The following CEP162 variants were observed in gnomAD, a reference collection of about 807,000 sequenced individuals.
The protein encoded by CEP162 is centrosomal protein of 162 kDa.
In CEP162, 141 loss-of-function variants were observed where a neutral mutation model predicts 169.2. The observed-to-expected ratio is 0.83, with a 90% confidence interval of 0.73 to 0.96. CEP162 has a LOEUF of 0.96. Among genes scored for constraint, CEP162 ranks in the 40% least tolerant of loss-of-function variants. CEP162 has a pLI of 0.00. For synonymous variants in CEP162, 540 were observed against 526.4 expected, an observed-to-expected ratio of 1.03 and a Z score of -0.35; for missense variants, 1,600 against 1,587.2, an observed-to-expected ratio of 1.01 and a Z score of -0.14.
chr6:84,142,497 A>G (rs2099517105), intron 25 of CEP162, among the ~76,000 whole-genome samples: 2 of 152,178 alleles, frequency 1.3e-5, no homozygotes, highest in Admixed American at 1.3e-4. Context: ...TAATTGGCTT[A>G]CAGAAAAAGA....
intron 25 of CEP162, among the ~76,000 whole-genome samples, chr6:84,136,100 T>C (rs1250192304): frequency 1.3e-5 from 2 of 152,168 alleles, no homozygotes; most frequent in Non-Finnish European, 2.9e-5. Flanking sequence ...GGCCTTGATA[T>C]TGTTCAGGTG....
At chr6:84,170,156 G>A (rs747416719) in intron 17 of CEP162, among the ~76,000 whole-genome samples, 35 of 151,810 alleles carry the variant, frequency 2.3e-4, no homozygotes, top group Non-Finnish European at 3.8e-4. Context: ...GGTGGATCAC[G>A]AGGTCAGGAG....
intron 3 of CEP162, among the ~76,000 whole-genome samples, chr6:84,219,684 T>G (rs1363698922): frequency 6.6e-6 from 1 of 152,200 alleles, no homozygotes; most frequent in African/African-American, 2.4e-5. Flanking sequence ...TTCTTTAAAT[T>G]ACAGTATTAA....
chr6:84,131,575 G>T (rs1008891480), intron 25 of CEP162, among the ~76,000 whole-genome samples: 15 of 152,160 alleles, frequency 9.9e-5, no homozygotes, highest in Non-Finnish European at 1.9e-4. Context: ...TCTTCTTGTT[G>T]AATTGATCCC....
Position 84,153,196 on chromosome 6 carries a change from A to G in CEP162, c.2995-17T>C. 1 of 1,579,550 alleles carries G rather than the reference A, an allele frequency of 6.3e-7. No individual in the cohort carries two copies. The highest frequency in any genetic ancestry group is 8.6e-7 in the Non-Finnish European group (1 of 1,167,192). The stretch of plus-strand genomic sequence containing the variant: ...ATACTGAATCTGAAGGAAAGAATCC[A>G]TGTAATGCCAAACACCTGTTAAACG... On this transcript the variant is annotated splice_polypyrimidine_tract_variant and intron_variant, in intron 22 of 26. Coordinates refer to ENST00000403245, the MANE Select transcript of CEP162 (RefSeq NM_014895.4).
At position 84,193,709 on chromosome 6, in the gene CEP162, A is replaced by T. The variant is rs767635886; in HGVS notation, c.1028-19T>A. 6.4e-5 allele frequency: 95 copies of T among 1,485,422 alleles called. No homozygotes were observed. The highest frequency in any genetic ancestry group is 8.3e-5 in the Non-Finnish European group (91 of 1,098,562). 92.0% of individuals were successfully genotyped at this position (1,485,422 alleles called of 1,614,324 possible). On this transcript the variant is annotated intron_variant, in intron 10 of 26. Transcript: ENST00000403245. ...GGCAGATCTAAGAGGTGGAAAAAAAAGTAGAAACGAAAAATGTTATGTAGG... is the reference window on the plus strand; with the variant it reads ...GGCAGATCTAAGAGGTGGAAAAAAATGTAGAAACGAAAAATGTTATGTAGG...
intron 18 of CEP162, among the ~76,000 whole-genome samples, chr6:84,165,766 C>A (rs374795869): frequency 9.2e-5 from 14 of 152,142 alleles, no homozygotes; most frequent in East Asian, 7.7e-4. Flanking sequence ...TACTGTCTTA[C>A]AATTTAAAAT....
At chr6:84,161,008 T>C (rs966953508) in intron 20 of CEP162, 92 bp from the exon 21 acceptor site, 1 of 857,522 alleles carries the variant, frequency 1.2e-6, no homozygotes, top group Non-Finnish European at 1.9e-6. Context: ...ACTCATACAT[T>C]TATTAATTCC....
At chr6:84,129,840 T>C (rs1269720540) in intron 25 of CEP162, among the ~76,000 whole-genome samples, 1 of 152,204 alleles carries the variant, frequency 6.6e-6, no homozygotes, top group African/African-American at 2.4e-5. Context: ...CCTATGTGAC[T>C]ACCCTTTATT....
chr6:84,213,617 T>C (rs55647082), intron 5 of CEP162, among the ~76,000 whole-genome samples: 2,872 of 152,258 alleles, frequency 0.019, 51 homozygotes, highest in Non-Finnish European at 0.029. Context: ...AGTGAGATCG[T>C]TAGAGAAACT....
intron 13 of CEP162, among the ~76,000 whole-genome samples, chr6:84,180,015 AC>A (rs2099534089): frequency 6.6e-6 from 1 of 152,212 alleles, no homozygotes; most frequent in Non-Finnish European, 1.5e-5. Context: ...TCATCCTGAT[AC>A]TAAAGCCTGG....
rs2099521851 is a variant in CEP162 at position 84,153,312 on chromosome 6, G to A, written c.2995-133C>T. The A allele has an allele frequency of 4.2e-5, 31 of 736,738 alleles. 2 individuals are homozygous for A. Among genetic ancestry groups the A allele is most frequent in the Middle Eastern group, 5.4e-4 (2 of 3,708 alleles). 45.6% of individuals were successfully genotyped at this position (736,738 alleles called of 1,614,324 possible). On this transcript the variant is annotated intron_variant, in intron 22 of 26. Transcript: ENST00000403245. The stretch of plus-strand genomic sequence containing the variant: ...TATACATTCTGATGTCTACAATTCT[G>A]TTTCTTGAGTGAGTCAAATGTATTG...
chr6:84,162,600 A>T (rs1200657215), intron 19 of CEP162, among the ~76,000 whole-genome samples: 1 of 152,118 alleles, frequency 6.6e-6, no homozygotes, highest in African/African-American at 2.4e-5. Context: ...TTCAAATTTT[A>T]CTACCTGTCA....
At chr6:84,166,200 G>A (rs545510484) in intron 18 of CEP162, among the ~76,000 whole-genome samples, 6 of 152,210 alleles carry the variant, frequency 3.9e-5, no homozygotes, top group Admixed American at 1.3e-4. Flanking sequence ...ATAAGTTACC[G>A]TGCAGACATT....
chr6:84,195,505 G>A (rs1030438523), intron 9 of CEP162, among the ~76,000 whole-genome samples: 3 of 152,116 alleles, frequency 2.0e-5, no homozygotes, highest in Non-Finnish European at 4.4e-5. Flanking sequence ...GCAATCCAAT[G>A]TATTCCAACA....
intron 3 of CEP162, among the ~76,000 whole-genome samples, chr6:84,218,523 T>C (rs73487265): frequency 0.061 from 9,258 of 152,298 alleles, 923 homozygotes; most frequent in African/African-American, 0.21. Context: ...TTATGAGTAA[T>C]GTTTTATTTT....
intron 3 of CEP162, chr6:84,219,032 A>C: frequency 2.7e-6 from 1 of 376,962 alleles, no homozygotes; most frequent in Non-Finnish European, 4.7e-6. Flanking sequence ...CGAACATTTT[A>C]TTCCTATGGC....
intron 18 of CEP162, among the ~76,000 whole-genome samples, chr6:84,168,788 T>G (rs1442648552): frequency 6.6e-6 from 1 of 152,152 alleles, no homozygotes; most frequent in African/African-American, 2.4e-5. Flanking sequence ...ATAATACAAT[T>G]TAATAAACAT....
At chr6:84,225,447 C>T (rs1270823465) in intron 2 of CEP162, among the ~76,000 whole-genome samples, 1 of 152,086 alleles carries the variant, frequency 6.6e-6, no homozygotes, top group Non-Finnish European at 1.5e-5. Flanking sequence ...ATAGGGCAGC[C>T]CCATTATAAT....
Sources: allele counts gnomAD v4.1 joint callset (sites outside exome capture counted in the v4.1 genomes callset), GRCh38; gene constraint gnomAD v4.1.1; transcripts MANE v1.5; gene names NCBI Gene and HGNC (gene_info 2026-07-23, HGNC 2026-07-21).